Variants in BRINP3 observed in about 807,000 individuals in gnomAD.
BRINP3 encodes BMP/retinoic acid-inducible neural-specific protein 3.
In BRINP3, 19 loss-of-function variants were observed where a neutral mutation model predicts 71.0. The ratio of observed to expected loss-of-function variants is 0.27; its 90% CI spans 0.19 to 0.39. The LOEUF (loss-of-function observed/expected upper bound fraction) is 0.39. Among genes scored for constraint, BRINP3 ranks in the 10% least tolerant of loss-of-function variants. The probability of loss-of-function intolerance (pLI) is 1.00; values close to 1 mark genes in which losing one functional copy is unlikely to be tolerated. For missense variants in BRINP3, 959 were observed against 940.8 expected (o/e 1.02, Z -0.25); for synonymous variants, 380 against 337.7 (o/e 1.13, Z -1.37).
chr1:190,378,296 G>T (rs970329683), intron 2 of BRINP3, among the ~76,000 whole-genome samples: 1 of 152,132 alleles, frequency 6.6e-6, no homozygotes, highest in Admixed American at 6.6e-5. Context: ...AATGCTGTAG[G>T]AAAAAATGTT....
At chr1:190,221,209 C>A (rs1656861398) in intron 6 of BRINP3, among the ~76,000 whole-genome samples, 1 of 152,084 alleles carries the variant, frequency 6.6e-6, no homozygotes, top group Non-Finnish European at 1.5e-5. Context: ...CAGAGTGAGA[C>A]TCCATCTCAA....
chr1:190,185,184 GAA>G (rs2102550069), intron 6 of BRINP3, among the ~76,000 whole-genome samples: 1 of 152,168 alleles, frequency 6.6e-6, no homozygotes, highest in Non-Finnish European at 1.5e-5. Flanking sequence ...TAGAATGGGA[GAA>G]AATATTTGCA....
At chr1:190,265,078 T>A in intron 3 of BRINP3, 23 bp from the exon 4 acceptor site, 1 of 1,569,236 alleles carries the variant, frequency 6.4e-7, no homozygotes, top group Non-Finnish European at 8.6e-7. Context: ...TATTTCAAAT[T>A]ATTCAATTTT....
chr1:190,102,761 C>T (rs971495652), intron 7 of BRINP3, among the ~76,000 whole-genome samples: 3 of 152,044 alleles, frequency 2.0e-5, no homozygotes, highest in South Asian at 2.1e-4. Flanking sequence ...ACCATGATTT[C>T]GACCAATTCA....
intron 2 of BRINP3, among the ~76,000 whole-genome samples, chr1:190,444,933 T>A (rs943302702): frequency 3.9e-5 from 6 of 152,184 alleles, no homozygotes; most frequent in African/African-American, 1.4e-4. Flanking sequence ...TTTGTGTAAT[T>A]TTTTTCAACC....
chr1:190,275,305 A>G (rs1165266680), intron 3 of BRINP3, among the ~76,000 whole-genome samples: 1 of 151,478 alleles, frequency 6.6e-6, no homozygotes, highest in Admixed American at 6.6e-5. Flanking sequence ...TTTTTTTAAG[A>G]TTATTTCTCA....
intron 4 of BRINP3, among the ~76,000 whole-genome samples, chr1:190,242,679 C>T (rs1307769947): frequency 1.3e-5 from 2 of 151,502 alleles, no homozygotes; most frequent in African/African-American, 2.4e-5. Context: ...TTTTATTTGC[C>T]TTTTACAGGA....
rs536938654 is a variant in BRINP3 at position 190,299,885 on chromosome 1, T to A, written c.237-18135A>T. ...AGAATGTTGAATATTGGCCCCACTC[T>A]CTTCTGGCTTGTAGAGTTTCTGCCG... On this transcript the variant is annotated intron_variant, in intron 2 of 7. Transcript: ENST00000367462. 2.0e-5 allele frequency among the ~76,000 whole-genome samples: 3 copies of A among 152,230 alleles called. No individual in the cohort carries two copies. In the South Asian group the frequency reaches 6.2e-4, roughly 32 times the overall value.
chr1:190,260,983 A>G (rs940861903), intron 4 of BRINP3, among the ~76,000 whole-genome samples: 9 of 152,118 alleles, frequency 5.9e-5, no homozygotes, highest in Admixed American at 3.9e-4. Context: ...GTAACATATC[A>G]GTAATTATTT....
intron 6 of BRINP3, among the ~76,000 whole-genome samples, chr1:190,197,028 A>G (rs1324020139): frequency 1.3e-5 from 2 of 151,894 alleles, no homozygotes; most frequent in Non-Finnish European, 2.9e-5. Flanking sequence ...CTGGCAATTT[A>G]TAAAGAATGG....
chr1:190,436,426 A>G (rs1443974022), intron 2 of BRINP3, among the ~76,000 whole-genome samples: 1 of 151,830 alleles, frequency 6.6e-6, no homozygotes, highest in African/African-American at 2.4e-5. Context: ...GAAAAGGACA[A>G]TCATCCCATG....
Position 190,277,096 on chromosome 1 carries a change from T to TATATATATATATAC in BRINP3, c.427+4463_427+4464insGTATATATATATAT, listed in dbSNP as rs1410403943. On this transcript the variant is annotated intron_variant, in intron 3 of 7. Coordinates refer to ENST00000367462, the MANE Select transcript of BRINP3 (RefSeq NM_199051.3). ...GAAATAAATTTTGGTTTTATATATA[T>TATATATATATATAC]ATATATATATATATATATATATTTA... 1.3e-4 allele frequency among the ~76,000 whole-genome samples: 14 copies of TATATATATATATAC among 108,378 alleles called. 2 individuals carry two copies. Among genetic ancestry groups the TATATATATATATAC allele is most frequent in the Non-Finnish European group, 2.6e-4 (13 of 49,964 alleles). 71.1% of individuals were successfully genotyped at this position (108,378 alleles called of 152,430 possible).
At chr1:190,149,582 C>T (rs529631001) in intron 7 of BRINP3, among the ~76,000 whole-genome samples, 1 of 151,698 alleles carries the variant, frequency 6.6e-6, no homozygotes, top group African/African-American at 2.4e-5. Flanking sequence ...ATACACGTCT[C>T]AGTGCGTGCG....
intron 6 of BRINP3, among the ~76,000 whole-genome samples, chr1:190,210,873 A>T (rs1344384450): frequency 6.6e-6 from 1 of 152,084 alleles, no homozygotes; most frequent in South Asian, 2.1e-4. Flanking sequence ...AGAATAAAGC[A>T]GGCAGAAGAA....
At chr1:190,311,089 T>C (rs1665485272) in intron 2 of BRINP3, among the ~76,000 whole-genome samples, 1 of 151,736 alleles carries the variant, frequency 6.6e-6, no homozygotes, top group Non-Finnish European at 1.5e-5. Context: ...TGTACTTTCT[T>C]TCTGACTCTG....
At chr1:190,222,998 C>T (rs1350358175) in intron 6 of BRINP3, among the ~76,000 whole-genome samples, 2 of 151,694 alleles carry the variant, frequency 1.3e-5, no homozygotes, top group African/African-American at 4.8e-5. Context: ...AATTAACAAG[C>T]CAAAAATCAA....
At chr1:190,107,544 A>G (rs1468496788) in intron 7 of BRINP3, among the ~76,000 whole-genome samples, 1 of 152,048 alleles carries the variant, frequency 6.6e-6, no homozygotes, top group African/African-American at 2.4e-5. Context: ...ACTTATTTGT[A>G]ATTAAGCCCA....
chr1:190,418,985 TTG>T (rs2102448552), intron 2 of BRINP3, among the ~76,000 whole-genome samples: 1 of 152,210 alleles, frequency 6.6e-6, no homozygotes, highest in East Asian at 1.9e-4. Flanking sequence ...CCTAAAGTAT[TTG>T]TGTTTCTGAT....
chr1:190,165,443 GTT>G (rs1222291505), intron 6 of BRINP3, among the ~76,000 whole-genome samples: 19 of 46,604 alleles, frequency 4.1e-4, no homozygotes, highest in Admixed American at 1.5e-3. Context: ...TTCATTGGCT[GTT>G]TTTTTTTTTT....
Sources: gnomAD v4.1 joint callset for allele counts (sites outside exome capture counted in the v4.1 genomes callset) on GRCh38, gnomAD v4.1.1 for gene constraint, MANE v1.5 for transcripts, NCBI Gene and HGNC (gene_info 2026-07-23, HGNC 2026-07-21) for gene names.